Variants in SNX9 observed in about 807,000 individuals in gnomAD.
SNX9 encodes sorting nexin-9.
SNX9 carries 44 observed loss-of-function variants against 89.4 expected under a neutral mutation model. The observed-to-expected ratio is 0.49, with a 90% confidence interval of 0.39 to 0.63. The LOEUF is 0.63. Among genes scored for constraint, SNX9 ranks in the 30% least tolerant of loss-of-function variants. The pLI is 0.00. For synonymous variants in SNX9, 236 were observed against 247.8 expected, an observed-to-expected ratio of 0.95 and a Z score of 0.45; for missense variants, 578 against 736.1, an observed-to-expected ratio of 0.79 and a Z score of 2.49.
intron 4 of SNX9, among the ~76,000 whole-genome samples, chr6:157,883,431 T>C (rs1219835716): frequency 6.6e-6 from 1 of 152,132 alleles, no homozygotes; most frequent in Non-Finnish European, 1.5e-5. Flanking sequence ...GGAATAATCA[T>C]TTGCTACATG....
chr6:157,927,945 A>G (rs1183152490), intron 11 of SNX9, among the ~76,000 whole-genome samples: 1 of 151,958 alleles, frequency 6.6e-6, no homozygotes, highest in Non-Finnish European at 1.5e-5. Flanking sequence ...ACACACACAC[A>G]CACACACATA....
chr6:157,897,097 A>G (rs1782994330), intron 5 of SNX9, 99 bp downstream of exon 5: 6 of 1,204,672 alleles, frequency 5.0e-6, no homozygotes, highest in African/African-American at 3.1e-5. Flanking sequence ...ACTCAGCACA[A>G]CACAGAACAG....
chr6:157,940,136 C>T (rs187294318), intron 16 of SNX9, among the ~76,000 whole-genome samples: 52 of 152,318 alleles, frequency 3.4e-4, no homozygotes, highest in African/African-American at 1.1e-3. Flanking sequence ...CTGTCCCACA[C>T]GCTGCCCAGC....
intron 1 of SNX9, among the ~76,000 whole-genome samples, chr6:157,840,407 C>CTTTATTTA (rs916789998): frequency 6.2e-5 from 8 of 129,366 alleles, no homozygotes; most frequent in African/African-American, 1.4e-4. Flanking sequence ...ACAAAAAATA[C>CTTTATTTA]TTTCTTTCTT....
chr6:157,882,372 A>C (rs1360064979), intron 4 of SNX9, among the ~76,000 whole-genome samples: 1 of 152,220 alleles, frequency 6.6e-6, no homozygotes, highest in Non-Finnish European at 1.5e-5. Flanking sequence ...GGAGATGTAC[A>C]TGAAGATTGA....
intron 14 of SNX9, among the ~76,000 whole-genome samples, chr6:157,936,879 A>T (rs532690038): frequency 1.1e-4 from 17 of 152,262 alleles, no homozygotes; most frequent in Admixed American, 3.9e-4. Flanking sequence ...TCCCTTAATT[A>T]AAAAAAATTT....
At chr6:157,870,920 T>A (rs1014343478) in intron 2 of SNX9, among the ~76,000 whole-genome samples, 1 of 152,232 alleles carries the variant, frequency 6.6e-6, no homozygotes, top group Admixed American at 6.5e-5. Context: ...TCACCTGCTG[T>A]CATGCACACG....
chr6:157,930,286 TC>T, intron 12 of SNX9, among the ~76,000 whole-genome samples: 1 of 152,310 alleles, frequency 6.6e-6, no homozygotes. Flanking sequence ...GTTGTTTCTT[TC>T]CCATGGCAAA....
At chr6:157,900,445 G>T (rs1017125760) in intron 5 of SNX9, among the ~76,000 whole-genome samples, 2 of 152,202 alleles carry the variant, frequency 1.3e-5, no homozygotes, top group Non-Finnish European at 2.9e-5. Context: ...ATGCAACGGG[G>T]TTCTCTTTGT....
rs1043863 is a variant in SNX9, at chr6:157,943,682, A to G, written c.*844A>G. On this transcript the variant is annotated 3_prime_UTR_variant, in exon 18 of 18. Transcript: ENST00000392185. The stretch of plus-strand genomic sequence containing the variant: ...GTAGAGAATTTTGTGGCTTTGGTCC[A>G]ACGGGTGAGTGGCTGTGCGGAGGCC... 0.2 allele frequency: 30,300 copies of G among 152,500 alleles called. 3,391 individuals carry two copies. Among genetic ancestry groups the G allele is most frequent in the African/African-American group, 0.28 (11,694 of 41,514 alleles). 9.4% of individuals were successfully genotyped at this position (152,500 alleles called of 1,614,324 possible). A position where few individuals can be genotyped will look rare whatever the true frequency, so the allele number is the denominator to read the frequency against.
At chr6:157,897,808 G>A (rs1783011933) in intron 5 of SNX9, among the ~76,000 whole-genome samples, 1 of 152,200 alleles carries the variant, frequency 6.6e-6, no homozygotes, top group South Asian at 2.1e-4. Context: ...GAGCCACCAT[G>A]CCTGGCCGGC....
At chr6:157,927,718 C>CTTTTTTTT (rs761592456) in intron 11 of SNX9, among the ~76,000 whole-genome samples, 4 of 98,754 alleles carry the variant, frequency 4.1e-5, no homozygotes, top group Non-Finnish European at 5.9e-5. Flanking sequence ...TAATTTTAAG[C>CTTTTTTTT]TTTTTTTTTT....
At chr6:157,885,948 G>A (rs1024834368) in intron 4 of SNX9, among the ~76,000 whole-genome samples, 6 of 152,180 alleles carry the variant, frequency 3.9e-5, no homozygotes. Context: ...AAAGCCAAAC[G>A]GAAAGCAGCT....
At chr6:157,933,800 T>C (rs1399219188) in intron 13 of SNX9, among the ~76,000 whole-genome samples, 1 of 152,224 alleles carries the variant, frequency 6.6e-6, no homozygotes, top group African/African-American at 2.4e-5. Context: ...CAGGCATCCA[T>C]GGGTTCCCCA....
At position 157,857,428 on chromosome 6, in the gene SNX9, A is replaced by G. The variant is rs115883302; in HGVS notation, c.13-10119A>G. 3.3e-4 allele frequency among the ~76,000 whole-genome samples: 51 copies of G among 152,252 alleles called. 1 individual carries two copies. The highest frequency in any genetic ancestry group is 7.7e-4 in the African/African-American group (32 of 41,554). ...TGAAAAATGCTGCTCGGAATTCCCAATCTGGGCACTAGATATGTGATTACC... is the reference window on the plus strand; with the variant it reads ...TGAAAAATGCTGCTCGGAATTCCCAGTCTGGGCACTAGATATGTGATTACC... On this transcript the variant is annotated intron_variant, in intron 1 of 17. Transcript: ENST00000392185.
Position 157,844,587 on chromosome 6 carries a change from G to GTTTTTTTGTTTTTTTTTTTTT in SNX9, c.12+21148_12+21149insGTTTTTTTTTTTTTTTTTTTT, listed in dbSNP as rs1554291784. ...ATTTTTAATCTTGTGGCTAATCCTTGTTTTTTTTTTTTGTTTTTTTTTTTG... is the reference window on the plus strand; with the variant it reads ...ATTTTTAATCTTGTGGCTAATCCTTGTTTTTTTGTTTTTTTTTTTTTTTTTTTTTTTTTGTTTTTTTTTTTG... On this transcript the variant is annotated intron_variant, in intron 1 of 17. Transcript: ENST00000392185. 2.2e-4 allele frequency among the ~76,000 whole-genome samples: 29 copies of GTTTTTTTGTTTTTTTTTTTTT among 130,300 alleles called. 2 individuals are homozygous for GTTTTTTTGTTTTTTTTTTTTT. The East Asian group carries it at 3.8e-3, about 17-fold the overall frequency. 85.5% of individuals were successfully genotyped at this position (130,300 alleles called of 152,430 possible).
chr6:157,849,210 A>G (rs1207441529), intron 1 of SNX9, among the ~76,000 whole-genome samples: 2 of 152,262 alleles, frequency 1.3e-5, no homozygotes, highest in Non-Finnish European at 2.9e-5. Flanking sequence ...AGGTGATCAT[A>G]TAATTTTTTA....
At chr6:157,917,844 A>G (rs1025915548) in intron 9 of SNX9, among the ~76,000 whole-genome samples, 1 of 152,126 alleles carries the variant, frequency 6.6e-6, no homozygotes, top group African/African-American at 2.4e-5. Flanking sequence ...AATATTTGCA[A>G]TCTAAGGTTG....
chr6:157,839,544 A>T (rs923895547), intron 1 of SNX9, among the ~76,000 whole-genome samples: 2 of 152,236 alleles, frequency 1.3e-5, no homozygotes, highest in Non-Finnish European at 2.9e-5. Flanking sequence ...AATTGAATGG[A>T]TTCAGGTGTG....
Sources: allele counts gnomAD v4.1 joint callset (sites outside exome capture counted in the v4.1 genomes callset), GRCh38; gene constraint gnomAD v4.1.1; transcripts MANE v1.5; gene names NCBI Gene and HGNC (gene_info 2026-07-23, HGNC 2026-07-21).